The following PCDHGA12 variants were observed in gnomAD, a reference collection of about 807,000 sequenced individuals.
The protein encoded by PCDHGA12 is protocadherin gamma subfamily A, 12.
PCDHGA12 carries 43 observed loss-of-function variants against 61.1 expected under a neutral mutation model. The ratio of observed to expected loss-of-function variants is 0.70; its 90% confidence interval spans 0.55 to 0.91. PCDHGA12 has a LOEUF of 0.91. Among genes scored for constraint, PCDHGA12 ranks in the 40% least tolerant of loss-of-function variants. The pLI is 0.00. For synonymous variants in PCDHGA12, 520 were observed against 542.9 expected (o/e 0.96, Z 0.59); for missense variants, 1,236 against 1,227.7 (o/e 1.01, Z -0.10).
intron 2 of PCDHGA12, among the ~76,000 whole-genome samples, chr5:141,504,118 G>A (rs948008198): frequency 6.6e-6 from 1 of 152,096 alleles, no homozygotes; most frequent in African/African-American, 2.4e-5. Flanking sequence ...GTGTGCCAGG[G>A]CTGTTTCCCG....
intron 1 of PCDHGA12, among the ~76,000 whole-genome samples, chr5:141,446,948 T>C (rs1166868490): frequency 6.6e-6 from 1 of 152,186 alleles, no homozygotes; most frequent in African/African-American, 2.4e-5. Context: ...GTAAGAAACA[T>C]CCAGCACCCA....
At chr5:141,461,951 G>C (rs1419637040) in intron 1 of PCDHGA12, among the ~76,000 whole-genome samples, 1 of 152,186 alleles carries the variant, frequency 6.6e-6, no homozygotes, top group African/African-American at 2.4e-5. Context: ...AACCTCCTGA[G>C]TAGCTGGGAT....
At chr5:141,447,829 T>A (rs2098552664) in intron 1 of PCDHGA12, among the ~76,000 whole-genome samples, 1 of 152,214 alleles carries the variant, frequency 6.6e-6, no homozygotes. Context: ...CTCACGCCTG[T>A]AATCCCAGTG....
chr5:141,505,317 G>A, intron 2 of PCDHGA12, 76 bp from the exon 3 acceptor site: 1 of 1,603,092 alleles, frequency 6.2e-7, no homozygotes, highest in Non-Finnish European at 8.5e-7. Flanking sequence ...AGGTTTGGGA[G>A]CCCTGGGAGA....
At chr5:141,447,230 C>G (rs1309076828) in intron 1 of PCDHGA12, among the ~76,000 whole-genome samples, 1 of 152,132 alleles carries the variant, frequency 6.6e-6, no homozygotes, top group Non-Finnish European at 1.5e-5. Flanking sequence ...ACCTCCGCCT[C>G]CCGGGTTCAA....
intron 1 of PCDHGA12, among the ~76,000 whole-genome samples, chr5:141,449,978 T>A (rs1025332419): frequency 6.6e-6 from 1 of 151,030 alleles, no homozygotes; most frequent in Non-Finnish European, 1.5e-5. Context: ...GTCCAAAATA[T>A]CACACATTGC....
Position 141,486,142 on chromosome 5 carries a change from C to T in PCDHGA12, c.2425-8665C>T. 6.2e-7 allele frequency: 1 copy of T among 1,614,200 alleles called. No homozygotes were observed. The highest frequency in any genetic ancestry group is 1.3e-5 in the African/African-American group (1 of 75,052). ...ACTATGAATTTGATGTGCGGGCTCG[C>T]GATGGGGGTTCTCCAGCCATGGAGC... On this transcript the variant is annotated intron_variant, in intron 1 of 3. Coordinates refer to ENST00000252085, the MANE Select transcript of PCDHGA12 (RefSeq NM_003735.3). This position sits in a 1 kb window ranked among gnomAD's most constrained non-coding sequence, Gnocchi z 5.0.
chr5:141,454,464 T>C (rs1365696226), intron 1 of PCDHGA12, among the ~76,000 whole-genome samples: 1 of 152,196 alleles, frequency 6.6e-6, no homozygotes, highest in Non-Finnish European at 1.5e-5. Flanking sequence ...TGGAGTGCAA[T>C]GGCATGATCT....
rs1008664105 is a variant in PCDHGA12, at chr5:141,432,402, T to C, written c.1643T>C (p.Leu548Ser). 6.2e-7 allele frequency: 1 copy of C among 1,614,194 alleles called. No homozygotes were observed. The highest frequency in any genetic ancestry group is 1.1e-5 in the South Asian group (1 of 91,082). Residue 548 changes from leucine (L) to serine (S), a missense_variant, in exon 1 of 4, where the codon TTG becomes TCG. By Grantham distance (145) the Leu-to-Ser change is moderately radical (BLOSUM62 -2). Transcript: ENST00000252085. The surrounding 1 kb of genome is among the most constrained non-coding windows in gnomAD (Gnocchi z 6.0). ...CCGCCCCTCAGCAGCAACGTGTCGT[T>C]GAGCCTGTTCGTGCTGGACCAGAAC... ...GHPPLSSNVS[L>S]SLFVLDQNDN...
intron 1 of PCDHGA12, among the ~76,000 whole-genome samples, chr5:141,462,223 G>A (rs563764515): frequency 2.0e-5 from 3 of 152,144 alleles, no homozygotes; most frequent in Admixed American, 2.0e-4. Flanking sequence ...GCCTCCCAAA[G>A]TGCAGGGATT....
chr5:141,475,128 C>T (rs775275292), intron 1 of PCDHGA12, among the ~76,000 whole-genome samples: 3 of 151,894 alleles, frequency 2.0e-5, no homozygotes, highest in Non-Finnish European at 4.4e-5. Context: ...GGCTTTTTTT[C>T]TTTTTGAAAT....
At chr5:141,434,658 T>C (rs1243599957) in intron 1 of PCDHGA12, among the ~76,000 whole-genome samples, 2 of 152,198 alleles carry the variant, frequency 1.3e-5, no homozygotes, top group African/African-American at 2.4e-5. Flanking sequence ...ATCTAATATC[T>C]ATAGAAATGA....
intron 1 of PCDHGA12, chr5:141,468,351 A>G (rs1030472813): frequency 6.7e-6 from 1 of 149,192 alleles, no homozygotes; most frequent in Non-Finnish European, 1.5e-5. Context: ...AAAAAAAAAG[A>G]AAGAAAAAAG....
intron 2 of PCDHGA12, among the ~76,000 whole-genome samples, chr5:141,495,685 T>TA (rs758775501): frequency 1.3e-5 from 2 of 152,210 alleles, no homozygotes; most frequent in African/African-American, 2.4e-5. Context: ...TGCCATGGCA[T>TA]AAGTGCTCAA....
Position 141,489,147 on chromosome 5 carries a change from A to G in PCDHGA12, c.2425-5660A>G. On this transcript the variant is annotated intron_variant, in intron 1 of 3. Coordinates refer to ENST00000252085, the MANE Select transcript of PCDHGA12 (RefSeq NM_003735.3). The surrounding 1 kb of genome is among the most constrained non-coding windows in gnomAD (Gnocchi z 4.5). ...GCAGTTTTTAAGAGGCTGGAAGGAG[A>G]CATAAGAGACTTCAGCTGCTGCATT... The G allele has an allele frequency of 1.2e-6, 1 of 802,676 alleles. No homozygotes were observed. Among genetic ancestry groups the G allele is most frequent in the Non-Finnish European group, 1.9e-6 (1 of 528,868 alleles). 49.7% of individuals were successfully genotyped at this position (802,676 alleles called of 1,614,324 possible). A position where few individuals can be genotyped will look rare whatever the true frequency, so the allele number is the denominator to read the frequency against.
chr5:141,466,573 C>T (rs2099125317), intron 1 of PCDHGA12, among the ~76,000 whole-genome samples: 1 of 152,104 alleles, frequency 6.6e-6, no homozygotes, highest in South Asian at 2.1e-4. Context: ...TCAACATTGT[C>T]TCATCCCTTC....
In PCDHGA12 at chr5:141,486,005, A is replaced by G. The variant is rs1057476811; in HGVS notation, c.2425-8802A>G. On this transcript the variant is annotated intron_variant, in intron 1 of 3. Transcript: ENST00000252085. This position sits in a 1 kb window ranked among gnomAD's most constrained non-coding sequence, Gnocchi z 5.0. Reference sequence around the variant, plus strand: ...GGACCTGGGTCCCAGTGGTAACGTCACCTTTTATTTCAGTGGTCATACCCC... The same window carrying G: ...GGACCTGGGTCCCAGTGGTAACGTCGCCTTTTATTTCAGTGGTCATACCCC... 1.9e-6 allele frequency: 3 copies of G among 1,613,936 alleles called. No homozygotes were observed. The Admixed American group carries it at 5.0e-5, about 27-fold the overall frequency.
In PCDHGA12 at chr5:141,432,126, C is replaced by G. The variant is rs750150518; in HGVS notation, c.1367C>G (p.Ser456Cys). 12 of 1,614,026 alleles carry G rather than the reference C, an allele frequency of 7.4e-6. No homozygotes were observed. Among genetic ancestry groups the G allele is most frequent in the South Asian group, 4.4e-5 (4 of 91,062 alleles). The change falls in exon 1 of 4, where the codon TCC becomes TGC. Residue 456 changes from serine (S) to cysteine (C), a missense_variant. Ser to Cys is a moderately radical substitution (Grantham distance 112). Transcript: ENST00000252085. The surrounding 1 kb of genome is among the most constrained non-coding windows in gnomAD (Gnocchi z 6.0). ...NDNPPVFPQASYSAYIPENNP... is the reference protein window; with the variant it reads ...NDNPPVFPQACYSAYIPENNP... ...AACCCGCCGGTCTTCCCTCAGGCCT[C>G]CTATTCCGCTTATATCCCAGAGAAC...
chr5:141,498,078 G>A (rs1165770641), intron 2 of PCDHGA12, among the ~76,000 whole-genome samples: 6 of 152,194 alleles, frequency 3.9e-5, no homozygotes, highest in African/African-American at 1.4e-4. Flanking sequence ...ATAAGTGCTA[G>A]GTAGAATTGT....
Sources: gnomAD v4.1 joint callset for allele counts (sites outside exome capture counted in the v4.1 genomes callset) on GRCh38, gnomAD v4.1.1 for gene constraint, Gnocchi (gnomAD v3.1) non-coding constraint, MANE v1.5 for transcripts, NCBI Gene and HGNC (gene_info 2026-07-23, HGNC 2026-07-21) for gene names.